The following CRCP variants were observed in gnomAD, a reference collection of about 807,000 sequenced individuals.
CRCP encodes CGRP receptor component, also known as DNA-directed RNA polymerase III subunit RPC9.
A neutral mutation model predicts 18.5 loss-of-function variants in CRCP; 18 were observed. The observed-to-expected ratio is 0.97, with a 90% CI of 0.67 to 1.44. CRCP has a LOEUF of 1.44. Among genes scored for constraint, CRCP ranks in the 40% most tolerant of loss-of-function variants. CRCP has a pLI of 0.00. For missense variants in CRCP, 130 were observed against 176.4 expected, an observed-to-expected ratio of 0.74 and a Z score of 1.49; for synonymous variants, 53 against 62.9, an observed-to-expected ratio of 0.84 and a Z score of 0.75.
rs776959223 is a variant in CRCP at position 66,114,861 on chromosome 7, C to A, written c.-102C>A. On this transcript the variant is annotated 5_prime_UTR_variant, in exon 1 of 6. Coordinates refer to ENST00000395326, the MANE Select transcript of CRCP (RefSeq NM_014478.5). ...GCGGCGATCCCGGCGAGCACCTTGG[C>A]GCGCGGAGCTGGCACCTTGGCGCTG... 1.9e-6 allele frequency: 3 copies of A among 1,599,836 alleles called. No individual in the cohort carries two copies. The highest frequency in any genetic ancestry group is 4.5e-5 in the East Asian group (2 of 44,410).
chr7:66,147,263 C>G (rs548997837), intron 5 of CRCP, among the ~76,000 whole-genome samples: 1 of 151,564 alleles, frequency 6.6e-6, no homozygotes, highest in African/African-American at 2.4e-5. Context: ...CACTTGAACC[C>G]GGGAGGCCAA....
intron 4 of CRCP, among the ~76,000 whole-genome samples, chr7:66,138,452 T>C (rs1246218430): frequency 1.3e-5 from 2 of 151,962 alleles, no homozygotes; most frequent in African/African-American, 4.8e-5. Context: ...TTCCTCTGGC[T>C]GCTGTTAAGA....
intron 5 of CRCP, among the ~76,000 whole-genome samples, chr7:66,150,280 TG>T (rs1788418279): frequency 6.6e-6 from 1 of 150,874 alleles, no homozygotes; most frequent in African/African-American, 2.4e-5. Flanking sequence ...CTGGGTGTGG[TG>T]GTGCATGCCT....
At chr7:66,134,118 C>T (rs1787896801) in intron 3 of CRCP, among the ~76,000 whole-genome samples, 162 bp from the exon 4 acceptor site, 1 of 151,948 alleles carries the variant, frequency 6.6e-6, no homozygotes, top group African/African-American at 2.4e-5. Context: ...CCTCGGCCTC[C>T]CAAAGTGCTG....
In CRCP at chr7:66,123,815, G is replaced by C. The variant is rs1376155032; in HGVS notation, c.9-3889G>C. Among the ~76,000 whole-genome samples, 7 of 151,234 alleles carry C rather than the reference G, an allele frequency of 4.6e-5. No homozygotes were observed. The East Asian group carries it at 1.4e-3, about 29-fold the overall frequency. ...GGCCTGTAATCCCAGCACTTTGGGA[G>C]GCCGAGGCGGGCGGATCATAAGGTC... On this transcript the variant is annotated intron_variant, in intron 1 of 5. Transcript: ENST00000395326.
chr7:66,123,047 C>CG (rs1487033978), intron 1 of CRCP, among the ~76,000 whole-genome samples: 1 of 151,312 alleles, frequency 6.6e-6, no homozygotes, highest in Non-Finnish European at 1.5e-5. Context: ...CTCCGCCTCC[C>CG]GGGTTCACGC....
intron 5 of CRCP, among the ~76,000 whole-genome samples, chr7:66,146,930 C>T (rs1788315239): frequency 6.6e-6 from 1 of 152,222 alleles, no homozygotes; most frequent in Non-Finnish European, 1.5e-5. Flanking sequence ...TAATCAGCAA[C>T]ATATGTTACT....
intron 2 of CRCP, among the ~76,000 whole-genome samples, chr7:66,128,427 G>T (rs1787682613): frequency 6.6e-6 from 1 of 152,184 alleles, no homozygotes; most frequent in East Asian, 1.9e-4. Flanking sequence ...TATCACCTTT[G>T]ATATATTTAT....
rs116469865 is a variant in CRCP, at chr7:66,148,780, G to A, written c.297+3280G>A. ...ACCATCTAGGCCTGTTAGTGATTTC[G>A]TGATTATGAAGTCTTGACTCATATA... On this transcript the variant is annotated intron_variant, in intron 5 of 5. Coordinates refer to ENST00000395326, the MANE Select transcript of CRCP (RefSeq NM_014478.5). Among the ~76,000 whole-genome samples, 200 of 152,344 alleles carry A rather than the reference G, an allele frequency of 1.3e-3. 2 individuals carry two copies. Among genetic ancestry groups the A allele is most frequent in the African/African-American group, 4.7e-3 (194 of 41,578 alleles).
At chr7:66,126,454 T>C (rs1487453102) in intron 1 of CRCP, among the ~76,000 whole-genome samples, 1 of 149,460 alleles carries the variant, frequency 6.7e-6, no homozygotes, top group East Asian at 2.0e-4. Context: ...TTTCCCACAG[T>C]TCCATAGTTA....
chr7:66,114,996 T>C (rs769709342), intron 1 of CRCP, 26 bp downstream of exon 1: 1 of 1,606,056 alleles, frequency 6.2e-7, no homozygotes, highest in South Asian at 1.1e-5. Context: ...CGCGTCCCTT[T>C]TCGCCCGAGG....
chr7:66,126,725 T>G, intron 1 of CRCP: 1 of 379,918 alleles, frequency 2.6e-6, no homozygotes, highest in Non-Finnish European at 5.3e-6. Flanking sequence ...GAGGTAGGAG[T>G]TGCTGGTGGT....
At chr7:66,141,161 C>T (rs1788125030) in intron 4 of CRCP, among the ~76,000 whole-genome samples, 1 of 152,170 alleles carries the variant, frequency 6.6e-6, no homozygotes, top group South Asian at 2.1e-4. Flanking sequence ...GGCTTCTTCA[C>T]TGTGGCTGGG....
rs1417813011 is a variant in CRCP, at chr7:66,119,486, C to G, written c.8+4516C>G. 3 of 152,208 alleles carry G rather than the reference C, an allele frequency of 2.0e-5. No individual in the cohort carries two copies. In the South Asian group the frequency reaches 6.2e-4, roughly 32 times the overall value. 9.4% of individuals were successfully genotyped at this position (152,208 alleles called of 1,614,324 possible). A position where few individuals can be genotyped will look rare whatever the true frequency, so the allele number is the denominator to read the frequency against. ...CGTTGAGAAGTTCTGGAGGCCCTGA[C>G]TTGTGTGACTGCTGTCTGAAGTAGG... is the stretch of plus-strand genomic sequence containing the variant. On this transcript the variant is annotated intron_variant, in intron 1 of 5. Transcript: ENST00000395326.
intron 1 of CRCP, among the ~76,000 whole-genome samples, chr7:66,121,738 C>G (rs749956464): frequency 1.3e-5 from 2 of 152,050 alleles, no homozygotes; most frequent in Admixed American, 6.6e-5. Flanking sequence ...TATTCTTGAA[C>G]GTAATATATA....
intron 4 of CRCP, among the ~76,000 whole-genome samples, chr7:66,142,119 T>A (rs1228906452): frequency 6.6e-6 from 1 of 152,168 alleles, no homozygotes; most frequent in Non-Finnish European, 1.5e-5. Flanking sequence ...AGACGGGAAC[T>A]GAGAAAACTA....
At chr7:66,140,255 A>G (rs575955986) in intron 4 of CRCP, among the ~76,000 whole-genome samples, 1 of 152,198 alleles carries the variant, frequency 6.6e-6, no homozygotes, top group Non-Finnish European at 1.5e-5. Context: ...AAGGGGAAAA[A>G]GCCCCAAGAA....
At chr7:66,150,630 G>C (rs1430115927) in intron 5 of CRCP, 1 of 152,042 alleles carries the variant, frequency 6.6e-6, no homozygotes, top group Non-Finnish European at 1.5e-5. Flanking sequence ...GCTGTTGTCT[G>C]TAAAGGGAGG....
intron 3 of CRCP, among the ~76,000 whole-genome samples, chr7:66,131,732 GAAA>G (rs1334125179): frequency 4.7e-5 from 7 of 149,056 alleles, no homozygotes; most frequent in Non-Finnish European, 7.4e-5. Context: ...GCAAATCAAA[GAAA>G]AAAAAGAAAA....
Sources: gnomAD v4.1 joint callset for allele counts (sites outside exome capture counted in the v4.1 genomes callset) on GRCh38, gnomAD v4.1.1 for gene constraint, MANE v1.5 for transcripts, NCBI Gene and HGNC (gene_info 2026-07-23, HGNC 2026-07-21) for gene names.